The following LHFPL2 variants were observed in gnomAD, a reference collection of about 807,000 sequenced individuals.
LHFPL2 encodes LHFPL tetraspan subfamily member 2 protein.
A neutral mutation model predicts 17.5 loss-of-function variants in LHFPL2; 7 were observed. That is an observed-to-expected ratio of 0.40 (90% CI 0.23 to 0.75). The LOEUF (loss-of-function observed/expected upper bound fraction) is 0.75. LHFPL2 is among the 30% of genes least tolerant of loss of function. The probability of loss-of-function intolerance (pLI) is 0.37; values close to 1 mark genes in which losing one functional copy is unlikely to be tolerated. For synonymous variants in LHFPL2, 134 were observed against 116.2 expected, an observed-to-expected ratio of 1.15 and a Z score of -0.99; for missense variants, 241 against 294.8, an observed-to-expected ratio of 0.82 and a Z score of 1.34.
intron 1 of LHFPL2, among the ~76,000 whole-genome samples, chr5:78,647,851 A>G (rs1745939848): frequency 6.6e-6 from 1 of 151,914 alleles, no homozygotes; most frequent in Admixed American, 6.5e-5. Flanking sequence ...CTGTGTGCCT[A>G]AAAACATCCA....
intron 3 of LHFPL2, among the ~76,000 whole-genome samples, chr5:78,519,157 G>A (rs879278369): frequency 3.9e-5 from 6 of 151,952 alleles, no homozygotes; most frequent in Admixed American, 6.6e-5. Flanking sequence ...ACAGCCCTCC[G>A]TAAGAGAGAG....
intron 3 of LHFPL2, among the ~76,000 whole-genome samples, chr5:78,550,407 A>G (rs1170217576): frequency 6.6e-6 from 1 of 152,188 alleles, no homozygotes; most frequent in Non-Finnish European, 1.5e-5. Context: ...TCACAAGACC[A>G]AGAACAGTCA....
intron 4 of LHFPL2, among the ~76,000 whole-genome samples, chr5:78,506,616 C>T (rs1377644760): frequency 6.6e-6 from 1 of 152,234 alleles, no homozygotes; most frequent in Non-Finnish European, 1.5e-5. Flanking sequence ...ATTCAAGAAC[C>T]ACAGCTGCCC....
At chr5:78,519,848 C>A (rs926647352) in intron 3 of LHFPL2, among the ~76,000 whole-genome samples, 2 of 152,196 alleles carry the variant, frequency 1.3e-5, no homozygotes, top group Non-Finnish European at 2.9e-5. Flanking sequence ...GGTTCTGGAG[C>A]CCATCTGGCA....
intron 1 of LHFPL2, among the ~76,000 whole-genome samples, chr5:78,635,999 G>GACACAC (rs5868927): frequency 8.0e-4 from 121 of 150,884 alleles, no homozygotes; most frequent in Middle Eastern, 6.8e-3. Flanking sequence ...CACACACACA[G>GACACAC]ACACACACAC....
chr5:78,556,587 G>T (rs545942666), intron 3 of LHFPL2, among the ~76,000 whole-genome samples: 1 of 152,086 alleles, frequency 6.6e-6, no homozygotes, highest in South Asian at 2.1e-4. Context: ...GATATTCAAG[G>T]TTGATATTTA....
chr5:78,539,402 T>C (rs1237743534), intron 3 of LHFPL2, among the ~76,000 whole-genome samples: 5 of 152,192 alleles, frequency 3.3e-5, no homozygotes, highest in Non-Finnish European at 5.9e-5. Flanking sequence ...AGACAACCCT[T>C]GAAGCCTGTT....
chr5:78,609,437 C>T (rs1034177329), intron 2 of LHFPL2, among the ~76,000 whole-genome samples: 3 of 107,334 alleles, frequency 2.8e-5, no homozygotes, highest in African/African-American at 8.2e-5. Flanking sequence ...GGAAACAGAG[C>T]GAGACTCAGT....
intron 3 of LHFPL2, among the ~76,000 whole-genome samples, chr5:78,520,609 A>G (rs1253734941): frequency 6.6e-6 from 1 of 152,240 alleles, no homozygotes; most frequent in Admixed American, 6.5e-5. Flanking sequence ...GGCAACGGAC[A>G]GCCGTGGCTG....
intron 1 of LHFPL2, among the ~76,000 whole-genome samples, chr5:78,635,981 G>C (rs1745434257): frequency 7.0e-6 from 1 of 143,702 alleles, no homozygotes; most frequent in East Asian, 2.0e-4. Flanking sequence ...TTATATTAAA[G>C]TTCCCATCAC....
intron 4 of LHFPL2, among the ~76,000 whole-genome samples, chr5:78,503,101 ATAG>A (rs1450973251): frequency 1.3e-5 from 2 of 152,158 alleles, no homozygotes; most frequent in African/African-American, 2.4e-5. Context: ...ACAGTTCTTC[ATAG>A]AAGATGCAGA....
intron 2 of LHFPL2, among the ~76,000 whole-genome samples, chr5:78,600,332 C>G (rs888764161): frequency 4.0e-5 from 6 of 151,674 alleles, no homozygotes; most frequent in African/African-American, 1.5e-4. Context: ...TCAGTAAGCT[C>G]TTCAGTTTGG....
At chr5:78,572,926 C>T (rs922561462) in intron 2 of LHFPL2, among the ~76,000 whole-genome samples, 3 of 152,120 alleles carry the variant, frequency 2.0e-5, no homozygotes, top group Non-Finnish European at 4.4e-5. Flanking sequence ...TTAGATTCCT[C>T]GCACGCACGG....
rs146863822 is a variant in LHFPL2, at chr5:78,485,394, T to C, written c.*3503A>G. 4 of 152,754 alleles carry C rather than the reference T, an allele frequency of 2.6e-5. No individual in the cohort carries two copies. The highest frequency in any genetic ancestry group is 5.9e-5 in the Non-Finnish European group (4 of 68,034). 9.5% of individuals were successfully genotyped at this position (152,754 alleles called of 1,614,324 possible). On this transcript the variant is annotated 3_prime_UTR_variant, in exon 5 of 5. Coordinates refer to ENST00000380345, the MANE Select transcript of LHFPL2 (RefSeq NM_005779.3). ...TTGAGTCCATCAGCTGTAAATACAA[T>C]TTTATATTTGGCTCAAGTGGCTGTT...
intron 2 of LHFPL2, among the ~76,000 whole-genome samples, chr5:78,581,042 C>T (rs1357978225): frequency 2.6e-5 from 4 of 152,112 alleles, no homozygotes; most frequent in Non-Finnish European, 5.9e-5. Context: ...GTTTGTAGTT[C>T]TCCTTGAAGA....
At chr5:78,490,436 A>T (rs546117918) in intron 4 of LHFPL2, among the ~76,000 whole-genome samples, 46 of 152,152 alleles carry the variant, frequency 3.0e-4, no homozygotes, top group Non-Finnish European at 6.3e-4. Flanking sequence ...TACCCAGCAA[A>T]ACTTTAAAAC....
chr5:78,536,791 A>G (rs1755961696), intron 3 of LHFPL2, among the ~76,000 whole-genome samples: 1 of 152,260 alleles, frequency 6.6e-6, no homozygotes, highest in African/African-American at 2.4e-5. Context: ...TTGTCCTTAT[A>G]TAAGTGCCAC....
intron 3 of LHFPL2, among the ~76,000 whole-genome samples, chr5:78,522,147 A>T (rs911163971): frequency 6.6e-6 from 1 of 152,228 alleles, no homozygotes; most frequent in African/African-American, 2.4e-5. Flanking sequence ...AAAGCACTTA[A>T]AAAGGAGTCA....
At chr5:78,637,518 T>C (rs556103755) in intron 1 of LHFPL2, among the ~76,000 whole-genome samples, 1 of 152,292 alleles carries the variant, frequency 6.6e-6, no homozygotes, top group South Asian at 2.1e-4. Flanking sequence ...AAGGCCCAAA[T>C]GGAAGTGCCA....
Sources: allele counts gnomAD v4.1 joint callset (sites outside exome capture counted in the v4.1 genomes callset), GRCh38; gene constraint gnomAD v4.1.1; transcripts MANE v1.5; gene names NCBI Gene and HGNC (gene_info 2026-07-23, HGNC 2026-07-21).